The following SUMF2 variants were observed in gnomAD, a reference collection of about 807,000 sequenced individuals.
SUMF2 encodes the protein inactive C-alpha-formylglycine-generating enzyme 2.
In SUMF2, 45 loss-of-function variants were observed where a neutral mutation model predicts 44.8. The observed-to-expected ratio is 1.00, with a 90% CI of 0.79 to 1.29. SUMF2 has a LOEUF of 1.29. SUMF2 is among the 50% of genes most tolerant of loss of function. The pLI is 0.00. For synonymous variants in SUMF2, 148 were observed against 150.4 expected, an observed-to-expected ratio of 0.98 and a Z score of 0.12; for missense variants, 418 against 389.9, an observed-to-expected ratio of 1.07 and a Z score of -0.61.
intron 2 of SUMF2, among the ~76,000 whole-genome samples, chr7:56,072,760 AAATT>A (rs947458312): frequency 1.2e-4 from 19 of 152,194 alleles, no homozygotes; most frequent in African/African-American, 2.2e-4. Context: ...ATAAAATAAA[AAATT>A]AATTAACCTC....
intron 5 of SUMF2, among the ~76,000 whole-genome samples, chr7:56,075,475 T>A (rs1795472899): frequency 6.6e-6 from 1 of 151,806 alleles, no homozygotes; most frequent in African/African-American, 2.4e-5. Context: ...GGTGGGTGGA[T>A]CACGAGGTCA....
chr7:56,086,114 C>A, the SUMF2 span, among the ~76,000 whole-genome samples: 1 of 151,564 alleles, frequency 6.6e-6, no homozygotes, highest in Non-Finnish European at 1.5e-5. Flanking sequence ...CTGCTTGGGT[C>A]ACTTCCTGGA....
chr7:56,064,507 G>A, intron 1 of SUMF2, 129 bp downstream of exon 1: 1 of 1,316,710 alleles, frequency 7.6e-7, no homozygotes, highest in Non-Finnish European at 1.0e-6. Context: ...TGGGGAGGTA[G>A]CTCTCGGTGC....
intron 8 of SUMF2, 100 bp from the exon 9 acceptor site, chr7:56,079,428 C>G: frequency 6.5e-6 from 8 of 1,232,968 alleles, no homozygotes; most frequent in Non-Finnish European, 9.1e-6. Flanking sequence ...CTCATGCTCC[C>G]TGATCATGGC....
chr7:56,068,355 A>G (rs2117404376), intron 1 of SUMF2, 127 bp from the exon 2 acceptor site: 2 of 990,484 alleles, frequency 2.0e-6, no homozygotes, highest in Non-Finnish European at 2.9e-6. Flanking sequence ...TTAAAGCCAG[A>G]TTTTTAAGCC....
At chr7:56,081,117 C>G, downstream of SUMF2, 1 of 1,613,684 alleles carries the variant, frequency 6.2e-7, no homozygotes, top group Non-Finnish European at 8.5e-7. This position sits in a 1 kb window ranked among gnomAD's most constrained non-coding sequence, Gnocchi z 4.6. Flanking sequence ...AAAGGGCTGC[C>G]CGGTTCTGCT....
rs1562873683 is a variant in SUMF2, at chr7:56,080,281, TTTGAGAC to T, written c.*670_*676del. ...TATTCTTTTTTTTTTTTTTTTTTTT[TTTGAGAC>T]AGGGTCTTTCTCTGTTGCCCAGGCT... On this transcript the variant is annotated 3_prime_UTR_variant, in exon 9 of 9. Transcript: ENST00000434526. 1 of 162,612 alleles carries T rather than the reference TTTGAGAC, an allele frequency of 6.1e-6. No individual in the cohort carries two copies. Among genetic ancestry groups the T allele is most frequent in the East Asian group, 1.8e-4 (1 of 5,426 alleles). The allele number at this position is 162,612 out of a possible 1,614,324, so 10.1% of individuals were successfully genotyped here.
rs542315190 is a variant in SUMF2, at chr7:56,066,136, A to G, written c.67+1758A>G. Among the ~76,000 whole-genome samples the G allele has an allele frequency of 2.6e-5, 4 of 152,098 alleles. No homozygotes were observed. In the South Asian group the frequency reaches 8.3e-4, roughly 32 times the overall value. ...AACAAAACAAAACAAAAAAAACGAAAAACTGAAAATGGATGAAATCACTGA... is the reference window on the plus strand; with the variant it reads ...AACAAAACAAAACAAAAAAAACGAAGAACTGAAAATGGATGAAATCACTGA... On this transcript the variant is annotated intron_variant, in intron 1 of 8. Transcript: ENST00000434526.
At chr7:56,075,039 G>A (rs114024354) in intron 5 of SUMF2, among the ~76,000 whole-genome samples, 1,526 of 152,070 alleles carry the variant, frequency 0.01, 20 homozygotes, top group African/African-American at 0.034. Flanking sequence ...TCAAAGCTGC[G>A]GCGAGCTATG....
At chr7:56,080,966 G>T (rs1795943386), downstream of SUMF2, 1 of 1,476,724 alleles carries the variant, frequency 6.8e-7, no homozygotes, top group Non-Finnish European at 9.2e-7. Flanking sequence ...CTTCTGCAGA[G>T]GCCTGCACGC....
chr7:56,083,153 G>A (rs1584622038), downstream of SUMF2: 1 of 800,924 alleles, frequency 1.2e-6, no homozygotes, highest in East Asian at 2.7e-5. Flanking sequence ...CCTAGCCCTT[G>A]AAATGGTGGA....
At chr7:56,083,629 G>T (rs112283230), downstream of SUMF2, 618 of 1,572,582 alleles carry the variant, frequency 3.9e-4, 3 homozygotes, top group African/African-American at 7.1e-3. Flanking sequence ...GGAGCGGAGA[G>T]AAGGGCAAAG....
intron 2 of SUMF2, 62 bp downstream of exon 2, chr7:56,068,700 C>CTTTTTTTTTTTTTTT: frequency 7.7e-7 from 1 of 1,291,914 alleles, no homozygotes; most frequent in Non-Finnish European, 1.0e-6. Context: ...TTTTTTCTTT[C>CTTTTTTTTTTTTTTT]TTTTTTTTTT....
intron 6 of SUMF2, 139 bp from the exon 7 acceptor site, chr7:56,077,963 A>G (rs1795672872): frequency 1.5e-6 from 1 of 671,440 alleles, no homozygotes. Context: ...AGCTCTAGAT[A>G]GGAATCTTAG....
chr7:56,064,905 A>C (rs1316176999), intron 1 of SUMF2, among the ~76,000 whole-genome samples: 1 of 143,508 alleles, frequency 7.0e-6, no homozygotes, highest in Admixed American at 7.1e-5. Context: ...AAAAAAAAAA[A>C]AAAAAGGCCG....
the SUMF2 span, chr7:56,086,785 T>G: frequency 1.7e-6 from 1 of 602,216 alleles, no homozygotes. Context: ...AGCCCACAAG[T>G]GGTGAACCCA....
downstream of SUMF2, among the ~76,000 whole-genome samples, chr7:56,084,954 C>G (rs1385793080): frequency 6.6e-6 from 1 of 152,116 alleles, no homozygotes; most frequent in East Asian, 1.9e-4. Flanking sequence ...GTCGAGACAG[C>G]TGCAGCTGGT....
At chr7:56,082,730 T>C (rs1796070963), downstream of SUMF2, among the ~76,000 whole-genome samples, 1 of 152,186 alleles carries the variant, frequency 6.6e-6, no homozygotes, top group African/African-American at 2.4e-5. Flanking sequence ...CACCAGCTCA[T>C]GGCCCATTGC....
At chr7:56,081,795 G>A (rs1400849158), downstream of SUMF2, 1 of 1,553,816 alleles carries the variant, frequency 6.4e-7, no homozygotes, top group South Asian at 1.2e-5. This position sits in a 1 kb window ranked among gnomAD's most constrained non-coding sequence, Gnocchi z 4.6. Flanking sequence ...TGTCAAGGCA[G>A]GTCCCCTCCA....
Sources: allele counts gnomAD v4.1 joint callset (sites outside exome capture counted in the v4.1 genomes callset), GRCh38; gene constraint gnomAD v4.1.1; non-coding constraint Gnocchi (gnomAD v3.1); transcripts MANE v1.5; gene names NCBI Gene and HGNC (gene_info 2026-07-23, HGNC 2026-07-21).